Variants in TESMIN observed in about 807,000 individuals in gnomAD.
TESMIN encodes testis expressed metallothionein like protein, also known as CXC domain containing 2.
Under a neutral mutation model 47.4 loss-of-function variants are expected in TESMIN, and 34 were observed. The ratio of observed to expected loss-of-function variants is 0.72; its 90% CI spans 0.55 to 0.96. TESMIN has a LOEUF of 0.96. TESMIN is among the 40% of genes least tolerant of loss of function. The pLI is 0.00. For synonymous variants in TESMIN, 278 were observed against 258.9 expected (o/e 1.07, Z -0.71); for missense variants, 610 against 637.2 (o/e 0.96, Z 0.46).
chr11:68,736,225 T>C (rs1337814042), intron 6 of TESMIN: 2 of 985,314 alleles, frequency 2.0e-6, no homozygotes, highest in Non-Finnish European at 2.4e-6. Context: ...ACCAGATTGG[T>C]AATAGGATTA....
In TESMIN at chr11:68,707,600, G is replaced by T; in HGVS notation, c.*708C>A. Reference sequence around the variant, plus strand: ...AACAATAATTATGGAGAAGTTAATTGGATAATAGAGCTTTTCCACAATTCA... The same window carrying T: ...AACAATAATTATGGAGAAGTTAATTTGATAATAGAGCTTTTCCACAATTCA... On this transcript the variant is annotated 3_prime_UTR_variant, in exon 10 of 10. Transcript: ENST00000255087. 4.3e-6 allele frequency: 1 copy of T among 234,066 alleles called. No homozygotes were observed. The highest frequency in any genetic ancestry group is 9.1e-6 in the Non-Finnish European group (1 of 109,940). 14.5% of individuals were successfully genotyped at this position (234,066 alleles called of 1,614,324 possible).
At chr11:68,746,405 T>A (rs1359068445) in intron 3 of TESMIN, among the ~76,000 whole-genome samples, 4 of 152,298 alleles carry the variant, frequency 2.6e-5, no homozygotes, top group Admixed American at 2.6e-4. Context: ...GAACCACCGA[T>A]GGAGAGGCTA....
chr11:68,736,092 A>G, intron 6 of TESMIN: 2 of 985,370 alleles, frequency 2.0e-6, no homozygotes, highest in Non-Finnish European at 2.4e-6. Flanking sequence ...CACCACAACA[A>G]GATAACCTCA....
At chr11:68,737,290 C>T in intron 6 of TESMIN, 1 of 985,446 alleles carries the variant, frequency 1.0e-6, no homozygotes, top group Middle Eastern at 5.2e-4. Flanking sequence ...TCCAACTCAG[C>T]AAAAGTTGTC....
At chr11:68,737,970 C>T (rs1317919368) in intron 6 of TESMIN, 3 of 985,730 alleles carry the variant, frequency 3.0e-6, no homozygotes, top group Non-Finnish European at 3.6e-6. Flanking sequence ...AACAAACAAA[C>T]ACCTCTTGGA....
chr11:68,708,851 C>G lies in TESMIN; in HGVS notation c.1335-351G>C, dbSNP rs549885890. Among the ~76,000 whole-genome samples, 3 of 151,542 alleles carry G rather than the reference C, an allele frequency of 2.0e-5. No homozygotes were observed. In the South Asian group the frequency reaches 6.3e-4, roughly 32 times the overall value. ...CACTGCAACCTCCAACTCCCTGGTT[C>G]AAGTGATTCTCCTGCCTCAGCCTCC... On this transcript the variant is annotated intron_variant, in intron 9 of 9. Transcript: ENST00000255087.
intron 6 of TESMIN, among the ~76,000 whole-genome samples, chr11:68,718,074 G>A (rs918804011): frequency 1.7e-4 from 25 of 151,252 alleles, no homozygotes; most frequent in African/African-American, 5.8e-4. Flanking sequence ...CCTCAGCAGT[G>A]CACCTGCAGG....
intron 5 of TESMIN, among the ~76,000 whole-genome samples, chr11:68,740,256 A>G (rs1946440288): frequency 6.6e-6 from 1 of 152,194 alleles, no homozygotes; most frequent in African/African-American, 2.4e-5. Context: ...GTTCTGGTCC[A>G]TGGACCACAC....
chr11:68,726,162 G>C (rs964622239), intron 6 of TESMIN, among the ~76,000 whole-genome samples: 2 of 152,174 alleles, frequency 1.3e-5, no homozygotes, highest in Non-Finnish European at 2.9e-5. Context: ...TCTGCTGCAG[G>C]ATCCACACAT....
At chr11:68,713,198 T>A (rs1214808210) in intron 8 of TESMIN, 72 bp downstream of exon 8, 1 of 1,456,134 alleles carries the variant, frequency 6.9e-7, no homozygotes, top group Non-Finnish European at 9.2e-7. Context: ...AGCAAAGTTT[T>A]TTTAACCACA....
At chr11:68,736,971 C>T (rs1282048050) in intron 6 of TESMIN, 2 of 985,302 alleles carry the variant, frequency 2.0e-6, no homozygotes, top group Admixed American at 6.2e-5. Flanking sequence ...ACTGGGAGAG[C>T]ACGCAATTAA....
At chr11:68,720,351 T>C (rs568805786) in intron 6 of TESMIN, among the ~76,000 whole-genome samples, 261 of 152,316 alleles carry the variant, frequency 1.7e-3, no homozygotes, top group African/African-American at 6.0e-3. Flanking sequence ...CCAAACATAA[T>C]GAAAGGGTGG....
At chr11:68,736,418 G>C in intron 6 of TESMIN, 1 of 985,458 alleles carries the variant, frequency 1.0e-6, no homozygotes, top group Non-Finnish European at 1.2e-6. Context: ...CTATAGGTTA[G>C]ATATGGCTGA....
chr11:68,750,893 T>G (rs1306196229), intron 1 of TESMIN, among the ~76,000 whole-genome samples, 194 bp from the exon 2 acceptor site: 12 of 4,064 alleles, frequency 3.0e-3, no homozygotes, highest in Admixed American at 3.3e-3. Flanking sequence ...GGCGACCAGG[T>G]GAGGGGGTCA....
rs138790602 is a variant in TESMIN at position 68,738,741 on chromosome 11, C to T, written c.876G>A (p.Ser292=). The T allele has an allele frequency of 2.2e-4, 359 of 1,613,962 alleles. 2 individuals carry two copies. In the African/African-American group the frequency reaches 3.3e-3, roughly 15 times the overall value. ...TTGGTGGTCCTGGAAGAGTTGATCC[C>T]GAGGGGAAAGCAGACCCGTTGACTA... ...PSVVNGSAFP[S]GSTLPGPPKI... is the part of the protein sequence containing the mutation. Residue 292 remains serine (S), a synonymous_variant, in exon 6 of 10, where the codon TCG becomes TCA. Coordinates refer to ENST00000255087, the MANE Select transcript of TESMIN (RefSeq NM_004923.3).
chr11:68,736,224 G>A (rs1946385126), intron 6 of TESMIN: 1 of 985,214 alleles, frequency 1.0e-6, no homozygotes, highest in Non-Finnish European at 1.2e-6. Context: ...TACCAGATTG[G>A]TAATAGGATT....
rs947099164 is a variant in TESMIN at position 68,715,963 on chromosome 11, G to A, written c.918-24C>T. 18 of 1,492,094 alleles carry A rather than the reference G, an allele frequency of 1.2e-5. No individual in the cohort carries two copies. The African/African-American group carries it at 1.7e-4, about 14-fold the overall frequency. 92.4% of individuals were successfully genotyped at this position (1,492,094 alleles called of 1,614,324 possible). A position where few individuals can be genotyped will look rare whatever the true frequency, so the allele number is the denominator to read the frequency against. Reference sequence around the variant, plus strand: ...ACCTGTGAAGGAAAGGACAGAGTGAGTGGCAGGCACAGACGGCACAGTGAG... The same window carrying A: ...ACCTGTGAAGGAAAGGACAGAGTGAATGGCAGGCACAGACGGCACAGTGAG... On this transcript the variant is annotated intron_variant, in intron 6 of 9. Coordinates refer to ENST00000255087, the MANE Select transcript of TESMIN (RefSeq NM_004923.3).
In TESMIN at chr11:68,713,442, T is replaced by G. The variant is rs200090967; in HGVS notation, c.1021-35A>C. On this transcript the variant is annotated intron_variant, in intron 7 of 9. Coordinates refer to ENST00000255087, the MANE Select transcript of TESMIN (RefSeq NM_004923.3). The stretch of plus-strand genomic sequence containing the variant: ...AATGGGAAGCTCCATCAGGATGGAT[T>G]TTATCATTTAAAACTCAGCTCAATG... The G allele has an allele frequency of 3.0e-5, 49 of 1,610,434 alleles. No homozygotes were observed. The African/African-American group carries it at 5.9e-4, about 19-fold the overall frequency.
rs1389536694 is a variant in TESMIN, at chr11:68,723,256, T to C, written c.918-7317A>G. On this transcript the variant is annotated intron_variant, in intron 6 of 9. Transcript: ENST00000255087. ...AACTAAAATATCATTTAAAAATATA[T>C]ACATATACATACACATATATGTATA... Among the ~76,000 whole-genome samples, 3 of 151,904 alleles carry C rather than the reference T, an allele frequency of 2.0e-5. No individual in the cohort carries two copies. In the East Asian group the frequency reaches 5.8e-4, roughly 29 times the overall value.
Sources: allele counts gnomAD v4.1 joint callset (sites outside exome capture counted in the v4.1 genomes callset), GRCh38; gene constraint gnomAD v4.1.1; transcripts MANE v1.5; gene names NCBI Gene and HGNC (gene_info 2026-07-23, HGNC 2026-07-21).